The following PHTF1 variants were observed in gnomAD, a reference collection of about 807,000 sequenced individuals.
PHTF1 encodes the protein putative homeodomain transcription factor 1.
A neutral mutation model predicts 102.4 loss-of-function variants in PHTF1; 88 were observed. That is an observed-to-expected ratio of 0.86 (90% CI 0.72 to 1.03). PHTF1 has a LOEUF of 1.03. PHTF1 is among the 50% of genes least tolerant of loss of function. The pLI is 0.00. For synonymous variants in PHTF1, 289 were observed against 305.2 expected, an observed-to-expected ratio of 0.95 and a Z score of 0.55; for missense variants, 814 against 909.5, an observed-to-expected ratio of 0.89 and a Z score of 1.35.
In PHTF1 at chr1:113,712,316, T is replaced by C. The variant is rs151278804; in HGVS notation, c.784-203A>G. On this transcript the variant is annotated intron_variant, in intron 8 of 18. Transcript: ENST00000369604. ...CTAAATATCCTAAATGAAGAGGCAG[T>C]GTTATGTAGTATTCAAAAACCAAGA... Among the ~76,000 whole-genome samples, 766 of 152,208 alleles carry C rather than the reference T, an allele frequency of 5.0e-3. 4 individuals are homozygous for C. Among genetic ancestry groups the C allele is most frequent in the African/African-American group, 0.018 (740 of 41,524 alleles).
chr1:113,702,668 G>A (rs558175636), intron 15 of PHTF1, among the ~76,000 whole-genome samples: 3 of 152,040 alleles, frequency 2.0e-5, no homozygotes, highest in South Asian at 4.2e-4. Flanking sequence ...GAAGAAGAAC[G>A]AATGAACAAA....
rs767001778 is a variant in PHTF1 at position 113,706,708 on chromosome 1, C to T, written c.1284G>A (p.Trp428Ter). 6 of 1,603,638 alleles carry T rather than the reference C, an allele frequency of 3.7e-6. No homozygotes were observed. In the South Asian group the frequency reaches 5.6e-5, roughly 15 times the overall value. Residue 428 changes from tryptophan to a stop codon, truncating the protein, a stop_gained, in exon 12 of 19, where the codon TGG becomes TGA. Coordinates refer to ENST00000369604, the MANE Select transcript of PHTF1 (RefSeq NM_001323043.2). LOFTEE classifies it high-confidence loss of function. ...EDVFQQNHLF[W>*]LQNSSPSSDR... ...CAGAGGAAGGACTTGAATTCTGAAG[C>T]CAGAATAAATGATTCTGAGAAGAAA...
At chr1:113,727,719 C>A (rs549279225) in intron 5 of PHTF1, among the ~76,000 whole-genome samples, 1 of 152,248 alleles carries the variant, frequency 6.6e-6, no homozygotes, top group East Asian at 1.9e-4. Flanking sequence ...GTAATCCCAG[C>A]ACTTTTTGAG....
chr1:113,744,092 C>T (rs1656836475), intron 3 of PHTF1, among the ~76,000 whole-genome samples: 1 of 152,228 alleles, frequency 6.6e-6, no homozygotes, highest in South Asian at 2.1e-4. Flanking sequence ...ACAACCTCTA[C>T]CTCAGCAGCC....
intron 16 of PHTF1, 182 bp from the exon 17 acceptor site, chr1:113,699,981 G>T: frequency 1.3e-6 from 1 of 763,356 alleles, no homozygotes; most frequent in Non-Finnish European, 1.8e-6. Context: ...TCTCCCTCTG[G>T]CAAAGAAAAA....
intron 3 of PHTF1, among the ~76,000 whole-genome samples, chr1:113,744,392 G>A (rs1004709254): frequency 6.6e-6 from 1 of 152,160 alleles, no homozygotes; most frequent in African/African-American, 2.4e-5. Flanking sequence ...ATTTCCTAGG[G>A]TGCTGAAATT....
intron 5 of PHTF1, among the ~76,000 whole-genome samples, chr1:113,731,489 C>T (rs1163544165): frequency 6.6e-6 from 1 of 151,774 alleles, no homozygotes; most frequent in African/African-American, 2.4e-5. Context: ...TACCATCACG[C>T]CACTGCACTC....
chr1:113,735,506 C>T (rs543850094), intron 5 of PHTF1, among the ~76,000 whole-genome samples: 1 of 151,282 alleles, frequency 6.6e-6, no homozygotes, highest in East Asian at 1.9e-4. Context: ...TGATGGTATG[C>T]CCATATGATG....
intron 16 of PHTF1, among the ~76,000 whole-genome samples, chr1:113,700,540 C>T (rs1194386140): frequency 1.3e-5 from 2 of 152,150 alleles, no homozygotes; most frequent in Non-Finnish European, 2.9e-5. Flanking sequence ...TGCTCCATTA[C>T]CACCAATAAA....
intron 4 of PHTF1, 140 bp from the exon 5 acceptor site, chr1:113,738,408 G>A: frequency 1.6e-6 from 1 of 618,668 alleles, no homozygotes; most frequent in Non-Finnish European, 2.7e-6. Flanking sequence ...CCTCTTAGAT[G>A]TTTGTTAAAT....
intron 10 of PHTF1, 110 bp downstream of exon 10, chr1:113,711,636 G>T: frequency 1.3e-6 from 1 of 741,744 alleles, no homozygotes; most frequent in Non-Finnish European, 2.3e-6. Context: ...GACAGGGAAG[G>T]GCTGGCAAAT....
chr1:113,697,854 A>G (rs1196487103), intron 18 of PHTF1, 129 bp from the exon 19 acceptor site: 1 of 664,012 alleles, frequency 1.5e-6, no homozygotes, highest in South Asian at 1.8e-5. Flanking sequence ...TGGCAATAGC[A>G]ACCATAGAAC....
At chr1:113,750,002 G>GT (rs888126950) in intron 3 of PHTF1, among the ~76,000 whole-genome samples, 47 of 146,358 alleles carry the variant, frequency 3.2e-4, no homozygotes, top group African/African-American at 7.2e-4. Flanking sequence ...TTTTGTTTTT[G>GT]TTTTTTTTTC....
chr1:113,697,447 T>C lies in PHTF1; in HGVS notation c.*258A>G, dbSNP rs974336216. 7.9e-6 allele frequency: 3 copies of C among 380,798 alleles called. No homozygotes were observed. Among genetic ancestry groups the C allele is most frequent in the African/African-American group, 6.4e-5 (3 of 47,124 alleles). The allele number at this position is 380,798 out of a possible 1,614,324, so 23.6% of individuals were successfully genotyped here. ...CAAACTTACAAAATTGTCTTTGTGT[T>C]ACCACAACACACACAGTCTTTAGTC... is the stretch of plus-strand genomic sequence containing the variant. On this transcript the variant is annotated 3_prime_UTR_variant, in exon 19 of 19. Coordinates refer to ENST00000369604, the MANE Select transcript of PHTF1 (RefSeq NM_001323043.2).
intron 11 of PHTF1, among the ~76,000 whole-genome samples, chr1:113,707,202 G>A (rs1376517136): frequency 1.3e-5 from 2 of 152,148 alleles, no homozygotes; most frequent in African/African-American, 4.8e-5. Flanking sequence ...GTAATAGGAA[G>A]TAAAGGAAGA....
rs1036789183 is a variant in PHTF1, at chr1:113,706,021, A to C, written c.1540T>G (p.Leu514Val). The change falls in exon 13 of 19, where the codon TTG becomes GTG. Residue 514 changes from leucine to valine, a missense_variant. Leu to Val is a conservative substitution (Grantham distance 32). Coordinates refer to ENST00000369604, the MANE Select transcript of PHTF1 (RefSeq NM_001323043.2). ...GGTGGTGCCCCACAAAAGAGAGTCA[A>C]GATCTCCTCAGCTGAAATGGACTTT... Reference protein sequence around the residue: ...QLKSISAEEILTLFCGAPPVT... With the variant: ...QLKSISAEEIVTLFCGAPPVT... 1 of 1,614,198 alleles carries C rather than the reference A, an allele frequency of 6.2e-7. No individual in the cohort carries two copies. The highest frequency in any genetic ancestry group is 1.1e-5 in the South Asian group (1 of 91,088).
In PHTF1 at chr1:113,706,000, G is replaced by C. The variant is rs1326614486; in HGVS notation, c.1561C>G (p.Pro521Ala). The change falls in exon 13 of 19, where the codon CCA becomes GCA. Residue 521 changes from proline (P) to alanine (A), a missense_variant. Coordinates refer to ENST00000369604, the MANE Select transcript of PHTF1 (RefSeq NM_001323043.2). ...EEILTLFCGA[P>A]PVTPIIVLSI... The stretch of plus-strand genomic sequence containing the variant: ...AAAACAATAATAGGTGTAACAGGTG[G>C]TGCCCCACAAAAGAGAGTCAAGATC... The C allele has an allele frequency of 1.2e-6, 2 of 1,613,910 alleles. No homozygotes were observed. The highest frequency in any genetic ancestry group is 8.5e-7 in the Non-Finnish European group (1 of 1,179,918).
chr1:113,715,375 C>T (rs2101235808), intron 7 of PHTF1, among the ~76,000 whole-genome samples: 1 of 152,040 alleles, frequency 6.6e-6, no homozygotes, highest in Non-Finnish European at 1.5e-5. Flanking sequence ...CTATTTTTAG[C>T]CAGGCACAGT....
chr1:113,710,406 G>A lies in PHTF1; in HGVS notation c.1117C>T (p.Arg373Cys), dbSNP rs1284420839. 5 of 1,613,976 alleles carry A rather than the reference G, an allele frequency of 3.1e-6. No individual in the cohort carries two copies. Among genetic ancestry groups the A allele is most frequent in the Non-Finnish European group, 4.2e-6 (5 of 1,179,996 alleles). Reference sequence around the variant, plus strand: ...ATGTCCTCAGTCTCCGAGTCATGGCGGGTGCTTTCTGAGTCTCTTCTTGAC... The same window carrying A: ...ATGTCCTCAGTCTCCGAGTCATGGCAGGTGCTTTCTGAGTCTCTTCTTGAC... ...NMSRRDSESTRHDSETEDMLW... is the reference protein window; with the variant it reads ...NMSRRDSESTCHDSETEDMLW... Residue 373 changes from arginine (R) to cysteine (C), a missense_variant, in exon 11 of 19, where the codon CGC (arginine) becomes TGC (cysteine). Transcript: ENST00000369604.
Sources: gnomAD v4.1 joint callset for allele counts (sites outside exome capture counted in the v4.1 genomes callset) on GRCh38, gnomAD v4.1.1 for gene constraint, MANE v1.5 for transcripts, NCBI Gene and HGNC (gene_info 2026-07-23, HGNC 2026-07-21) for gene names.